MYT1L: variants seen among roughly 807,000 people sequenced by gnomAD.
MYT1L encodes myelin transcription factor 1-like protein.
Under a neutral mutation model 126.7 loss-of-function variants are expected in MYT1L, and 12 were observed. The observed-to-expected ratio is 0.09, with a 90% CI of 0.06 to 0.15. The LOEUF is 0.15. Ranked by LOEUF, MYT1L falls within the 10% of genes least tolerant of loss-of-function variation. MYT1L has a pLI of 1.00. For synonymous variants in MYT1L, 541 were observed against 604.2 expected, an observed-to-expected ratio of 0.90 and a Z score of 1.53; for missense variants, 979 against 1,585.2, an observed-to-expected ratio of 0.62 and a Z score of 6.49.
intron 3 of MYT1L, among the ~76,000 whole-genome samples, chr2:2,068,769 GTTTTTTTTTTT>G (rs55838351): frequency 1.9e-4 from 5 of 26,192 alleles, no homozygotes; most frequent in Admixed American, 1.8e-3. Flanking sequence ...TGTTCTTCTT[GTTTTTTTTTTT>G]TTTTTTTTTT....
At chr2:2,054,606 AGAT>A (rs1410278097) in intron 3 of MYT1L, among the ~76,000 whole-genome samples, 1 of 152,098 alleles carries the variant, frequency 6.6e-6, no homozygotes, top group Non-Finnish European at 1.5e-5. Context: ...GAGACACAAG[AGAT>A]GATAAGACAC....
At chr2:2,004,678 C>T (rs2062968545) in intron 4 of MYT1L, among the ~76,000 whole-genome samples, 1 of 141,128 alleles carries the variant, frequency 7.1e-6, no homozygotes, top group South Asian at 2.3e-4. Context: ...TGCGTGCCTT[C>T]TTTCCTGCGT....
chr2:2,234,556 C>G (rs1441378031), intron 2 of MYT1L, among the ~76,000 whole-genome samples: 2 of 152,146 alleles, frequency 1.3e-5, no homozygotes, highest in African/African-American at 4.8e-5. Flanking sequence ...TGGCGTGGAA[C>G]CCCTGCAGCT....
intron 3 of MYT1L, among the ~76,000 whole-genome samples, chr2:2,055,227 T>C (rs528994603): frequency 6.6e-6 from 1 of 152,312 alleles, no homozygotes; most frequent in African/African-American, 2.4e-5. Flanking sequence ...GCATACGGGA[T>C]GTATCTGCAC....
chr2:1,851,634 T>C lies in MYT1L; in HGVS notation c.2774+7A>G. The stretch of plus-strand genomic sequence containing the variant: ...ATTTTGGAGAGAAGAGTAGCATCTC[T>C]ACATACCTCCGATGAGAAGCATAAT... On this transcript the variant is annotated splice_region_variant and intron_variant, in intron 19 of 24. Transcript: ENST00000647738. 6.2e-7 allele frequency: 1 copy of C among 1,612,364 alleles called. No homozygotes were observed. The highest frequency in any genetic ancestry group is 8.5e-7 in the Non-Finnish European group (1 of 1,178,460).
At chr2:1,921,820 A>G (rs1018929510) in intron 10 of MYT1L, among the ~76,000 whole-genome samples, 13 of 152,212 alleles carry the variant, frequency 8.5e-5, no homozygotes, top group Non-Finnish European at 1.2e-4. Flanking sequence ...AGTTTCATCA[A>G]TAACTGTCAC....
At chr2:2,193,070 C>T (rs1406592903) in intron 2 of MYT1L, among the ~76,000 whole-genome samples, 2 of 152,104 alleles carry the variant, frequency 1.3e-5, no homozygotes, top group East Asian at 1.9e-4. Flanking sequence ...CAGTGATTCT[C>T]CTGCCTCAGT....
At chr2:1,800,496 C>T (rs1304281393) in intron 23 of MYT1L, among the ~76,000 whole-genome samples, 2 of 152,080 alleles carry the variant, frequency 1.3e-5, no homozygotes, top group Non-Finnish European at 1.5e-5. Context: ...AGTTCCCACC[C>T]TTGGCCTCAT....
At chr2:1,988,926 T>G (rs765253348) in intron 5 of MYT1L, among the ~76,000 whole-genome samples, 2 of 152,212 alleles carry the variant, frequency 1.3e-5, no homozygotes, top group Non-Finnish European at 2.9e-5. Context: ...AACAAATGCT[T>G]GTGGAATCCA....
intron 23 of MYT1L, among the ~76,000 whole-genome samples, chr2:1,797,835 C>G (rs2033913638): frequency 1.3e-5 from 2 of 152,060 alleles, no homozygotes; most frequent in African/African-American, 4.8e-5. Context: ...CAGGAGAGGC[C>G]TTTCCTGCAT....
intron 4 of MYT1L, among the ~76,000 whole-genome samples, chr2:2,019,501 A>G (rs1370157136): frequency 6.6e-6 from 1 of 152,242 alleles, no homozygotes; most frequent in African/African-American, 2.4e-5. Context: ...CAGATTTGGT[A>G]TCCAAGCCCA....
chr2:1,933,975 T>G, intron 9 of MYT1L, among the ~76,000 whole-genome samples: 1 of 144,064 alleles, frequency 6.9e-6, no homozygotes, highest in Non-Finnish European at 1.5e-5. Context: ...TTTGATTTTT[T>G]TTTTTTTTTT....
chr2:1,867,233 T>C (rs1486876606), intron 18 of MYT1L, among the ~76,000 whole-genome samples: 2 of 151,890 alleles, frequency 1.3e-5, no homozygotes, highest in East Asian at 3.9e-4. Context: ...AGGGAGACCT[T>C]GGGCGAAGGT....
intron 4 of MYT1L, among the ~76,000 whole-genome samples, chr2:2,011,239 A>G (rs2063789083): frequency 6.6e-6 from 1 of 152,080 alleles, no homozygotes. Context: ...AAATACAAAA[A>G]AATTAGCCAG....
At chr2:1,886,674 C>T in intron 17 of MYT1L, 67 bp from the exon 18 acceptor site, 1 of 1,127,762 alleles carries the variant, frequency 8.9e-7, no homozygotes, top group Non-Finnish European at 1.2e-6. Context: ...ACAAACACAA[C>T]ATAAAAACCG....
chr2:2,151,178 C>G (rs1176928659), intron 3 of MYT1L, among the ~76,000 whole-genome samples: 1 of 152,122 alleles, frequency 6.6e-6, no homozygotes, highest in African/African-American at 2.4e-5. Flanking sequence ...TTTAGAGTCT[C>G]TTAGTAAAAA....
intron 8 of MYT1L, among the ~76,000 whole-genome samples, chr2:1,951,783 G>A (rs1016441337): frequency 6.6e-6 from 1 of 152,154 alleles, no homozygotes. Flanking sequence ...CCAAATCTGA[G>A]TTCTCCTTTT....
intron 2 of MYT1L, among the ~76,000 whole-genome samples, chr2:2,275,337 T>C (rs1271704466): frequency 1.3e-5 from 2 of 151,752 alleles, no homozygotes; most frequent in Non-Finnish European, 2.9e-5. Context: ...CATCTAAAAG[T>C]ATTGGTCGAA....
intron 1 of MYT1L, among the ~76,000 whole-genome samples, chr2:2,327,916 T>C (rs759433422): frequency 6.6e-6 from 1 of 152,196 alleles, no homozygotes; most frequent in Non-Finnish European, 1.5e-5. Flanking sequence ...AAACAAAGTC[T>C]TTCAGATTGT....
Sources: gnomAD v4.1 joint callset for allele counts (sites outside exome capture counted in the v4.1 genomes callset) on GRCh38, gnomAD v4.1.1 for gene constraint, MANE v1.5 for transcripts, NCBI Gene and HGNC (gene_info 2026-07-23, HGNC 2026-07-21) for gene names.